MDH1: variants seen among roughly 807,000 people sequenced by gnomAD.
MDH1 encodes malate dehydrogenase, cytoplasmic.
In MDH1, 15 loss-of-function variants were observed where a neutral mutation model predicts 38.7. The observed-to-expected ratio is 0.39, with a 90% CI of 0.26 to 0.60. The LOEUF is 0.60. MDH1 is among the 20% of genes least tolerant of loss of function. MDH1 has a pLI of 0.56. For synonymous variants in MDH1, 144 were observed against 143.6 expected (o/e 1.00, Z -0.02); for missense variants, 368 against 405.2 (o/e 0.91, Z 0.79).
At chr2:63,597,312 A>G in intron 3 of MDH1, 87 bp from the exon 4 acceptor site, 1 of 1,287,600 alleles carries the variant, frequency 7.8e-7, no homozygotes, top group Non-Finnish European at 9.9e-7. Flanking sequence ...AACAAGTGAA[A>G]GAATTAATGG....
rs1274654390 is a variant in MDH1, at chr2:63,604,749, G to C, written c.552G>C (p.Trp184Cys). 1 of 1,614,042 alleles carries C rather than the reference G, an allele frequency of 6.2e-7. No individual in the cohort carries two copies. Among genetic ancestry groups the C allele is most frequent in the Admixed American group, 1.7e-5 (1 of 60,018 alleles). Residue 184 changes from tryptophan to cysteine, a missense_variant, in exon 6 of 9, where the codon TGG becomes TGC. Trp to Cys is a radical substitution (Grantham distance 215, BLOSUM62 -2). Coordinates refer to ENST00000233114, the MANE Select transcript of MDH1 (RefSeq NM_005917.4). ...ATGATGTAAAGAATGTCATTATCTG[G>C]GGAAACCATTCCTCGACTCAGTATC... The part of the protein sequence containing the change: ...TANDVKNVII[W>C]GNHSSTQYPD...
chr2:63,588,981 A>C lies in MDH1; in HGVS notation c.-63A>C, dbSNP rs556625759. ...CCTCTCCGAGTCAGTTCCGCGGTAG[A>C]GGTGACCTGACTCTCTGAGGCTCAT... On this transcript the variant is annotated 5_prime_UTR_variant, in exon 1 of 9. Coordinates refer to ENST00000233114, the MANE Select transcript of MDH1 (RefSeq NM_005917.4). 3 of 1,612,558 alleles carry C rather than the reference A, an allele frequency of 1.9e-6. No individual in the cohort carries two copies. Among genetic ancestry groups the C allele is most frequent in the Non-Finnish European group, 2.5e-6 (3 of 1,178,606 alleles).
intron 1 of MDH1, chr2:63,589,401 A>G: frequency 6.5e-7 from 1 of 1,549,034 alleles, no homozygotes; most frequent in Non-Finnish European, 8.7e-7. Context: ...GATGGGAGGG[A>G]AAGGTTGGGT....
Position 63,607,014 on chromosome 2 carries a change from C to CA in MDH1, c.*30dup. The CA allele has an allele frequency of 6.3e-7, 1 of 1,592,942 alleles. No homozygotes were observed. Among genetic ancestry groups the CA allele is most frequent in the South Asian group, 1.2e-5 (1 of 86,820 alleles). On this transcript the variant is annotated 3_prime_UTR_variant, in exon 9 of 9. Transcript: ENST00000233114. The stretch of plus-strand genomic sequence containing the variant: ...TAGACAATGATGTTACTAAATGCTT[C>CA]AAAGCTGAAGAATCTAAATGTCGTC...
intron 5 of MDH1, among the ~76,000 whole-genome samples, chr2:63,601,849 G>A (rs1381274267): frequency 6.6e-6 from 1 of 152,172 alleles, no homozygotes; most frequent in Non-Finnish European, 1.5e-5. Flanking sequence ...TGAGTTAATT[G>A]TTCAAGGTAT....
chr2:63,605,064 AT>A (rs1460136501), intron 6 of MDH1, among the ~76,000 whole-genome samples, 192 bp downstream of exon 6: 1 of 152,190 alleles, frequency 6.6e-6, no homozygotes, highest in Non-Finnish European at 1.5e-5. Context: ...ACCAAGATCC[AT>A]GTCTTTGTCT....
chr2:63,594,180 T>G (rs1575720582), intron 1 of MDH1: 19 of 504,210 alleles, frequency 3.8e-5, no homozygotes, highest in Non-Finnish European at 6.3e-5. Context: ...GCTGCCAGGG[T>G]TTGGATCACC....
intron 1 of MDH1, chr2:63,589,494 GGTA>G: frequency 9.2e-7 from 1 of 1,090,368 alleles, no homozygotes; most frequent in Non-Finnish European, 1.4e-6. Flanking sequence ...AAGCTGGAAA[GGTA>G]GTATTTACCA....
chr2:63,591,779 C>T (rs1709206074), intron 1 of MDH1, among the ~76,000 whole-genome samples: 1 of 152,204 alleles, frequency 6.6e-6, no homozygotes, highest in African/African-American at 2.4e-5. Context: ...TAGAAAACCA[C>T]AGGCTATTAA....
At chr2:63,606,454 ACT>A (rs1310786470) in intron 8 of MDH1, among the ~76,000 whole-genome samples, 1 of 152,220 alleles carries the variant, frequency 6.6e-6, no homozygotes, top group Non-Finnish European at 1.5e-5. Context: ...CAGCTTTAAA[ACT>A]ATATGTATTT....
chr2:63,599,546 A>C (rs377623828), intron 5 of MDH1: 2 of 267,086 alleles, frequency 7.5e-6, no homozygotes, highest in Non-Finnish European at 1.4e-5. Context: ...AACTATAATG[A>C]AATGCAGTTA....
rs994090358 is a variant in MDH1, at chr2:63,589,525, T to C, written c.3+479T>C. 3.7e-6 allele frequency: 3 copies of C among 817,364 alleles called. No individual in the cohort carries two copies. In the African/African-American group the frequency reaches 5.1e-5, roughly 14 times the overall value. 50.6% of individuals were successfully genotyped at this position (817,364 alleles called of 1,614,324 possible). A position where few individuals can be genotyped will look rare whatever the true frequency, so the allele number is the denominator to read the frequency against. ...ATTTACCAGGTGCTCCAGATTACGATCTGCGTTTGCAGCAGACGTGTTTCC... is the reference window on the plus strand; with the variant it reads ...ATTTACCAGGTGCTCCAGATTACGACCTGCGTTTGCAGCAGACGTGTTTCC... On this transcript the variant is annotated intron_variant, in intron 1 of 8. Coordinates refer to ENST00000233114, the MANE Select transcript of MDH1 (RefSeq NM_005917.4).
At chr2:63,590,210 T>A (rs1173319186) in intron 1 of MDH1, 4 of 152,230 alleles carry the variant, frequency 2.6e-5, no homozygotes, top group African/African-American at 9.6e-5. Context: ...CTGATAACCT[T>A]GGACTTTTTG....
intron 4 of MDH1, among the ~76,000 whole-genome samples, chr2:63,598,614 A>T (rs1279448927): frequency 6.6e-6 from 1 of 152,192 alleles, no homozygotes; most frequent in Non-Finnish European, 1.5e-5. Context: ...CATTTCATAG[A>T]TATCTGCATT....
At chr2:63,589,180 A>G (rs1312748044) in intron 1 of MDH1, 134 bp downstream of exon 1, 1 of 1,607,478 alleles carries the variant, frequency 6.2e-7, no homozygotes, top group Non-Finnish European at 8.5e-7. Flanking sequence ...GCTCGGACTC[A>G]TCTTCTGGGG....
At chr2:63,589,790 G>T (rs941687839) in intron 1 of MDH1, among the ~76,000 whole-genome samples, 1 of 152,186 alleles carries the variant, frequency 6.6e-6, no homozygotes, top group African/African-American at 2.4e-5. Flanking sequence ...GAGAGGGGGA[G>T]GGGGAGAGTT....
chr2:63,592,054 T>G (rs1309357903), intron 1 of MDH1, among the ~76,000 whole-genome samples: 1 of 152,242 alleles, frequency 6.6e-6, no homozygotes, highest in Admixed American at 6.5e-5. Flanking sequence ...TACTCTCTAC[T>G]GCTTCTCTAG....
chr2:63,593,527 C>T lies in MDH1; in HGVS notation c.4-961C>T, dbSNP rs182423214. ...CCTTCGAGGCTATCCATCCTTGTTT[C>T]GTCTCAGAGACGTGACTCTCATCTG... On this transcript the variant is annotated intron_variant, in intron 1 of 8. Coordinates refer to ENST00000233114, the MANE Select transcript of MDH1 (RefSeq NM_005917.4). 2.1e-3 allele frequency: 995 copies of T among 470,628 alleles called. 2 individuals carry two copies. Among genetic ancestry groups the T allele is most frequent in the African/African-American group, 0.011 (569 of 50,138 alleles). 29.2% of individuals were successfully genotyped at this position (470,628 alleles called of 1,614,324 possible). A position where few individuals can be genotyped will look rare whatever the true frequency, so the allele number is the denominator to read the frequency against.
At chr2:63,600,195 C>T (rs1369001965) in intron 5 of MDH1, 4 of 152,224 alleles carry the variant, frequency 2.6e-5, no homozygotes, top group African/African-American at 9.6e-5. Context: ...AATCCTTCAG[C>T]TCTGGAATGC....
Sources: gnomAD v4.1 joint callset for allele counts (sites outside exome capture counted in the v4.1 genomes callset) on GRCh38, gnomAD v4.1.1 for gene constraint, MANE v1.5 for transcripts, NCBI Gene and HGNC (gene_info 2026-07-23, HGNC 2026-07-21) for gene names.